Variants in CA10 observed in about 807,000 individuals in gnomAD.
CA10 encodes carbonic anhydrase 10 (inactive), also known as carbonic anhydrase-related protein 10.
In CA10, 14 loss-of-function variants were observed where a neutral mutation model predicts 44.2. The ratio of observed to expected loss-of-function variants is 0.32; its 90% confidence interval spans 0.21 to 0.50. CA10 has a LOEUF of 0.50. Among genes scored for constraint, CA10 ranks in the 20% least tolerant of loss-of-function variants. The pLI is 0.99. For synonymous variants in CA10, 159 were observed against 141.6 expected, an observed-to-expected ratio of 1.12 and a Z score of -0.87; for missense variants, 350 against 409.7, an observed-to-expected ratio of 0.85 and a Z score of 1.26.
At chr17:51,891,052 G>T (rs1031643789) in intron 3 of CA10, among the ~76,000 whole-genome samples, 5 of 152,156 alleles carry the variant, frequency 3.3e-5, no homozygotes, top group Non-Finnish European at 7.3e-5. Flanking sequence ...GATTGAAAAA[G>T]ATGCAAAAGG....
intron 3 of CA10, among the ~76,000 whole-genome samples, chr17:51,851,151 C>T (rs771848333): frequency 6.6e-6 from 1 of 152,218 alleles, no homozygotes; most frequent in Non-Finnish European, 1.5e-5. Context: ...CACTTATTAG[C>T]TATGTGACTT....
chr17:51,933,910 G>A (rs1202700994), intron 2 of CA10, among the ~76,000 whole-genome samples: 12 of 152,058 alleles, frequency 7.9e-5, no homozygotes, highest in Admixed American at 3.9e-4. Flanking sequence ...AAGTACCCCC[G>A]CAAAAACACA....
rs1234576757 is a variant in CA10 at position 51,631,119 on chromosome 17, T to A, written c.*465A>T. 6.3e-6 allele frequency: 1 copy of A among 158,474 alleles called. No homozygotes were observed. The highest frequency in any genetic ancestry group is 2.4e-5 in the African/African-American group (1 of 41,534). The allele number at this position is 158,474 out of a possible 1,614,324, so 9.8% of individuals were successfully genotyped here. On this transcript the variant is annotated 3_prime_UTR_variant, in exon 9 of 9. Coordinates refer to ENST00000451037, the MANE Select transcript of CA10 (RefSeq NM_020178.5). ...GAAATTACTTGATGCAAAGTCCGTT[T>A]GATGCCATCAGAGCTGTATTTTCTC...
chr17:51,736,528 A>G (rs561696176), intron 4 of CA10, among the ~76,000 whole-genome samples: 3 of 152,072 alleles, frequency 2.0e-5, no homozygotes, highest in African/African-American at 4.8e-5. Context: ...CCTGGCTGGG[A>G]GTGTGATTTA....
chr17:51,906,686 C>T (rs1981569521), intron 3 of CA10, among the ~76,000 whole-genome samples: 1 of 152,086 alleles, frequency 6.6e-6, no homozygotes, highest in African/African-American at 2.4e-5. Context: ...TTAAAAGGCA[C>T]CTCAAACTCA....
intron 4 of CA10, among the ~76,000 whole-genome samples, chr17:51,686,792 T>G (rs1275421760): frequency 6.6e-6 from 1 of 152,092 alleles, no homozygotes; most frequent in Non-Finnish European, 1.5e-5. Flanking sequence ...AGTGGATGGC[T>G]TCCCCATCCA....
chr17:51,656,720 G>A (rs1913808388), intron 4 of CA10, among the ~76,000 whole-genome samples: 1 of 152,194 alleles, frequency 6.6e-6, no homozygotes, highest in African/African-American at 2.4e-5. Context: ...TGTTAGAAAT[G>A]CAGAATCGGG....
chr17:51,632,485 G>A (rs180987271), intron 8 of CA10, among the ~76,000 whole-genome samples: 1 of 152,188 alleles, frequency 6.6e-6, no homozygotes, highest in Non-Finnish European at 1.5e-5. Flanking sequence ...AAGGAGTAGT[G>A]GTGGAGGCTG....
At chr17:51,813,297 A>C (rs145571897) in intron 3 of CA10, among the ~76,000 whole-genome samples, 23 of 152,314 alleles carry the variant, frequency 1.5e-4, no homozygotes, top group African/African-American at 5.3e-4. Context: ...ATTATATCAG[A>C]ACGTGGAGCT....
chr17:51,646,746 C>T (rs1913355567), intron 6 of CA10, among the ~76,000 whole-genome samples: 1 of 152,164 alleles, frequency 6.6e-6, no homozygotes, highest in African/African-American at 2.4e-5. Context: ...GCCCTAGGGA[C>T]AAAAGAGAGC....
intron 3 of CA10, among the ~76,000 whole-genome samples, chr17:51,904,675 T>C (rs1395302573): frequency 6.6e-6 from 1 of 152,178 alleles, no homozygotes; most frequent in African/African-American, 2.4e-5. Context: ...AGTTTGTTTA[T>C]ATATTAAGTT....
At chr17:51,928,192 G>T (rs1235679432) in intron 3 of CA10, among the ~76,000 whole-genome samples, 1 of 152,094 alleles carries the variant, frequency 6.6e-6, no homozygotes, top group Non-Finnish European at 1.5e-5. Context: ...TATGTCTTAT[G>T]TAGATAGCCT....
chr17:51,830,195 C>CAAAAAAA (rs1220410518), intron 3 of CA10, among the ~76,000 whole-genome samples: 64 of 89,720 alleles, frequency 7.1e-4, no homozygotes, highest in African/African-American at 1.3e-3. Flanking sequence ...GACTCCATCT[C>CAAAAAAA]AAAAAAAAAA....
rs567819223 is a variant in CA10, at chr17:51,639,338, A to G, written c.635-3329T>C. Among the ~76,000 whole-genome samples the G allele has an allele frequency of 1.0e-3, 156 of 152,130 alleles. 1 individual carries two copies. Among genetic ancestry groups the G allele is most frequent in the African/African-American group, 3.5e-3 (144 of 41,490 alleles). ...GGAGTGAAGGGGGAAGTAGAAAGAGAGGCATTCCAGGCATGACTGGAGTAA... is the reference window on the plus strand; with the variant it reads ...GGAGTGAAGGGGGAAGTAGAAAGAGGGGCATTCCAGGCATGACTGGAGTAA... On this transcript the variant is annotated intron_variant, in intron 6 of 8. Coordinates refer to ENST00000451037, the MANE Select transcript of CA10 (RefSeq NM_020178.5).
At chr17:51,963,898 T>A (rs563341874) in intron 2 of CA10, among the ~76,000 whole-genome samples, 1 of 152,040 alleles carries the variant, frequency 6.6e-6, no homozygotes, top group Admixed American at 6.5e-5. Context: ...CACAATAGGA[T>A]AAAAATCTTG....
chr17:51,645,447 C>G (rs1370984776), intron 6 of CA10, among the ~76,000 whole-genome samples: 1 of 152,170 alleles, frequency 6.6e-6, no homozygotes, highest in Non-Finnish European at 1.5e-5. Flanking sequence ...TGACTGATTT[C>G]CACTGGAGGT....
In CA10 at chr17:52,082,414, C is replaced by T. The variant is rs138545923; in HGVS notation, c.62-10021G>A. On this transcript the variant is annotated intron_variant, in intron 1 of 8. Coordinates refer to ENST00000451037, the MANE Select transcript of CA10 (RefSeq NM_020178.5). ...ATTTTGCTTCTTTCACCAAACATTA[C>T]GTCTTGTTTTTTCATTCTTATTTTT... is the stretch of plus-strand genomic sequence containing the variant. Among the ~76,000 whole-genome samples the T allele has an allele frequency of 3.8e-3, 573 of 152,178 alleles. 6 individuals are homozygous for T. Among genetic ancestry groups the T allele is most frequent in the South Asian group, 0.029 (142 of 4,814 alleles).
At chr17:51,843,858 A>C (rs2143809484) in intron 3 of CA10, among the ~76,000 whole-genome samples, 1 of 152,292 alleles carries the variant, frequency 6.6e-6, no homozygotes, top group Admixed American at 6.5e-5. Context: ...TTTTACAGAA[A>C]AGTAAATTCA....
intron 4 of CA10, among the ~76,000 whole-genome samples, chr17:51,654,570 T>TCCATAC (rs1913715875): frequency 6.6e-6 from 1 of 152,024 alleles, no homozygotes; most frequent in African/African-American, 2.4e-5. Flanking sequence ...TTTTTTTTTT[T>TCCATAC]TTTTAAGTTG....
Sources: gnomAD v4.1 joint callset for allele counts (sites outside exome capture counted in the v4.1 genomes callset) on GRCh38, gnomAD v4.1.1 for gene constraint, MANE v1.5 for transcripts, NCBI Gene and HGNC (gene_info 2026-07-23, HGNC 2026-07-21) for gene names.